Variants in VWA5A observed in about 807,000 individuals in gnomAD.
VWA5A encodes von Willebrand factor A domain-containing protein 5A.
A neutral mutation model predicts 84.6 loss-of-function variants in VWA5A; 77 were observed. That is an observed-to-expected ratio of 0.91 (90% CI 0.76 to 1.10). The LOEUF (loss-of-function observed/expected upper bound fraction) is 1.10, where lower values mean the gene tolerates loss of function less well. VWA5A is among the 50% of genes least tolerant of loss of function. The pLI is 0.00. For missense variants in VWA5A, 973 were observed against 963.0 expected, an observed-to-expected ratio of 1.01 and a Z score of -0.14; for synonymous variants, 334 against 350.1, an observed-to-expected ratio of 0.95 and a Z score of 0.51.
At position 124,123,011 on chromosome 11, in the gene VWA5A, C is replaced by T. The variant is rs750210264; in HGVS notation, c.812C>T (p.Pro271Leu). ...SAMVSFYPNI[P>L]EDQPSNTCGE... ...ATGGTGAGTTTCTATCCAAATATCCCAGAAGATCAACCATCAAATACCTGT... is the reference window on the plus strand; with the variant it reads ...ATGGTGAGTTTCTATCCAAATATCCTAGAAGATCAACCATCAAATACCTGT... Residue 271 changes from proline to leucine, a missense_variant, in exon 8 of 19, where the codon CCA becomes CTA. Transcript: ENST00000456829. 1 of 1,614,106 alleles carries T rather than the reference C, an allele frequency of 6.2e-7. No homozygotes were observed. Among genetic ancestry groups the T allele is most frequent in the South Asian group, 1.1e-5 (1 of 91,068 alleles).
At chr11:124,141,567 T>G (rs758403477) in intron 15 of VWA5A, 31 bp from the exon 16 acceptor site, 4 of 1,611,780 alleles carry the variant, frequency 2.5e-6, no homozygotes, top group Non-Finnish European at 3.4e-6. Flanking sequence ...GAGCAGGGAG[T>G]GCCACTGTCT....
In VWA5A at chr11:124,135,010, A is replaced by G; in HGVS notation, c.1335A>G (p.Thr445=). 1 of 1,613,514 alleles carries G rather than the reference A, an allele frequency of 6.2e-7. No individual in the cohort carries two copies. Among genetic ancestry groups the G allele is most frequent in the Non-Finnish European group, 8.5e-7 (1 of 1,179,738 alleles). ...CAGGGGGCACCTCAGAATTTATCAC[A>G]GGCAAAGACAGGATGCAGTCCAAGG... ...RASGGTSEFI[T]GKDRMQSKAL... is the part of the protein sequence containing the mutation. Residue 445 remains threonine, a synonymous_variant, in exon 12 of 19, where the codon ACA becomes ACG. Transcript: ENST00000456829.
At chr11:124,120,417 A>C (rs985191849) in intron 7 of VWA5A, among the ~76,000 whole-genome samples, 2 of 152,182 alleles carry the variant, frequency 1.3e-5, no homozygotes, top group Admixed American at 6.5e-5. Flanking sequence ...ATCATATTCA[A>C]AGTGGGACGG....
At chr11:124,127,348 A>G (rs774274065) in intron 11 of VWA5A, among the ~76,000 whole-genome samples, 1 of 152,168 alleles carries the variant, frequency 6.6e-6, no homozygotes, top group African/African-American at 2.4e-5. Context: ...ACATGAACTC[A>G]TCCTTTTTTA....
At position 124,137,020 on chromosome 11, in the gene VWA5A, C is replaced by T. The variant is rs1860615767; in HGVS notation, c.1631C>T (p.Thr544Ile). 6.2e-7 allele frequency: 1 copy of T among 1,611,224 alleles called. No homozygotes were observed. The highest frequency in any genetic ancestry group is 1.7e-5 in the Admixed American group (1 of 59,508). The change falls in exon 15 of 19, where the codon ACC (threonine) becomes ATC (isoleucine). Residue 544 changes from threonine (T) to isoleucine (I), a missense_variant. Coordinates refer to ENST00000456829, the MANE Select transcript of VWA5A (RefSeq NM_001130142.2). ...PLQPKPDVNLTIHRLAAKSLL... is the reference protein window; with the variant it reads ...PLQPKPDVNLIIHRLAAKSLL... ...TTTTTTTTTTTTCCTTTCAGCCTCA[C>T]CATTCACCGCCTTGCTGCCAAGTCC...
intron 13 of VWA5A, 104 bp from the exon 14 acceptor site, chr11:124,136,466 ATCAG>A: frequency 7.0e-7 from 1 of 1,421,128 alleles, no homozygotes; most frequent in Non-Finnish European, 9.7e-7. Flanking sequence ...CTGATTCTTC[ATCAG>A]ATATTTTCAT....
intron 14 of VWA5A, 126 bp from the exon 15 acceptor site, chr11:124,136,889 A>G (rs1860607226): frequency 7.4e-7 from 1 of 1,349,422 alleles, no homozygotes; most frequent in Non-Finnish European, 1.0e-6. Context: ...TAAACCACCC[A>G]AGTCTTCTCT....
At chr11:124,121,116 A>C (rs575906688) in intron 7 of VWA5A, among the ~76,000 whole-genome samples, 4 of 152,340 alleles carry the variant, frequency 2.6e-5, no homozygotes, top group African/African-American at 9.6e-5. Context: ...GTCTCACTGA[A>C]ACCATTCAGA....
intron 11 of VWA5A, among the ~76,000 whole-genome samples, chr11:124,130,202 G>T (rs1240547365): frequency 1.3e-5 from 2 of 152,118 alleles, no homozygotes; most frequent in East Asian, 1.9e-4. Flanking sequence ...TAGTTTCAAA[G>T]AACTTATTTA....
intron 15 of VWA5A, among the ~76,000 whole-genome samples, chr11:124,139,365 T>G (rs1229991120): frequency 6.6e-6 from 1 of 152,176 alleles, no homozygotes; most frequent in African/African-American, 2.4e-5. Flanking sequence ...GCATTGAATC[T>G]GTAAATTGCT....
intron 17 of VWA5A, among the ~76,000 whole-genome samples, chr11:124,143,845 A>G (rs908002401): frequency 1.3e-5 from 2 of 152,146 alleles, no homozygotes; most frequent in African/African-American, 4.8e-5. Flanking sequence ...CCTTCTTTGG[A>G]ATGGTAACCA....
At chr11:124,116,084 GC>G (rs1864824491) in intron 1 of VWA5A, 1 of 152,222 alleles carries the variant, frequency 6.6e-6, no homozygotes, top group South Asian at 2.1e-4. Flanking sequence ...GGCCGGTGGT[GC>G]CACCCAGCTC....
chr11:124,117,587 G>C (rs763146779), intron 3 of VWA5A, 33 bp downstream of exon 3: 1 of 1,614,114 alleles, frequency 6.2e-7, no homozygotes, highest in Admixed American at 1.7e-5. Flanking sequence ...ACTTGCCATT[G>C]AATCTTTGGC....
rs145152039 is a variant in VWA5A at position 124,117,698 on chromosome 11, C to T, written c.69C>T (p.Ser23=). The change falls in exon 4 of 19, where the codon AGC becomes AGT. Residue 23 remains serine, a synonymous_variant. Coordinates refer to ENST00000456829, the MANE Select transcript of VWA5A (RefSeq NM_001130142.2). ...TGCCGCTGAAGAGTATCTCTGTGAG[C>T]GTGAACATTTACGAGTTTGTGGCTG... ...EPVPLKSISV[S]VNIYEFVAGV... is the part of the protein sequence containing the mutation. The T allele has an allele frequency of 1.3e-4, 216 of 1,614,180 alleles. 1 individual carries two copies. The Middle Eastern group carries it at 1.6e-3, about 12-fold the overall frequency.
At chr11:124,139,474 T>C (rs1192711136) in intron 15 of VWA5A, among the ~76,000 whole-genome samples, 2 of 152,200 alleles carry the variant, frequency 1.3e-5, no homozygotes, top group African/African-American at 2.4e-5. Flanking sequence ...CCTTCATCAA[T>C]GTCTTACAAT....
chr11:124,124,517 GT>G (rs1436449870), intron 11 of VWA5A: 60 of 1,328,342 alleles, frequency 4.5e-5, no homozygotes, highest in Non-Finnish European at 5.7e-5. Flanking sequence ...CAAAACCATT[GT>G]TTCTTATTCT....
At chr11:124,143,626 A>G (rs778810143) in intron 17 of VWA5A, among the ~76,000 whole-genome samples, 8 of 152,236 alleles carry the variant, frequency 5.3e-5, no homozygotes, top group Non-Finnish European at 1.2e-4. Flanking sequence ...ATTGGGTTAA[A>G]TAAAATATAT....
Position 124,141,640 on chromosome 11 carries a change from C to G in VWA5A, c.1922C>G (p.Ser641Cys). Residue 641 changes from serine to cysteine, a missense_variant, in exon 16 of 19, where the codon TCT (serine) becomes TGT (cysteine). Coordinates refer to ENST00000456829, the MANE Select transcript of VWA5A (RefSeq NM_001130142.2). Reference protein sequence around the residue: ...ALHSDRPPSASQPRGELMCYK... With the variant: ...ALHSDRPPSACQPRGELMCYK... The stretch of plus-strand genomic sequence containing the variant: ...CACTCTGACCGTCCTCCTTCTGCAT[C>G]TCAGCCCAGAGGGGAACTTATGTGT... The G allele has an allele frequency of 6.2e-7, 1 of 1,614,124 alleles. No homozygotes were observed. Among genetic ancestry groups the G allele is most frequent in the South Asian group, 1.1e-5 (1 of 91,070 alleles).
intron 11 of VWA5A, among the ~76,000 whole-genome samples, chr11:124,134,701 A>G (rs1865147059): frequency 6.6e-6 from 1 of 152,210 alleles, no homozygotes; most frequent in African/African-American, 2.4e-5. Flanking sequence ...GTGAAGCAGA[A>G]GCCTGCCTTT....
Sources: allele counts gnomAD v4.1 joint callset (sites outside exome capture counted in the v4.1 genomes callset), GRCh38; gene constraint gnomAD v4.1.1; transcripts MANE v1.5; gene names NCBI Gene and HGNC (gene_info 2026-07-23, HGNC 2026-07-21).